Variants in FAT4 observed in about 807,000 individuals in gnomAD.
FAT4 encodes the protein protocadherin Fat 4.
Under a neutral mutation model 303.9 loss-of-function variants are expected in FAT4, and 84 were observed. The ratio of observed to expected loss-of-function variants is 0.28; its 90% CI spans 0.23 to 0.33. The LOEUF is 0.33. Ranked by LOEUF, FAT4 falls within the 10% of genes least tolerant of loss-of-function variation. The pLI, the probability that FAT4 is intolerant of heterozygous loss-of-function variation, is 1.00. For missense variants in FAT4, 6,005 were observed against 6,146.8 expected (o/e 0.98, Z 0.77); for synonymous variants, 2,307 against 2,298.8 (o/e 1.00, Z -0.10).
chr4:125,409,325 C>T (rs1359136026), intron 5 of FAT4, among the ~76,000 whole-genome samples: 1 of 151,400 alleles, frequency 6.6e-6, no homozygotes, highest in East Asian at 1.9e-4. Flanking sequence ...GATGCAATCT[C>T]AGCTCACTGC....
chr4:125,406,982 A>G lies in FAT4; in HGVS notation c.5410A>G (p.Arg1804Gly), dbSNP rs1207176259. Residue 1804 changes from arginine (R) to glycine (G), a missense_variant, in exon 4 of 18, where the codon AGG (arginine) becomes GGG (glycine). Arg to Gly is a moderately radical substitution (Grantham distance 125, BLOSUM62 -2). Coordinates refer to ENST00000394329, the MANE Select transcript of FAT4 (RefSeq NM_001291303.3). ...GDLIATRRLD[R>G]ERRSKYSLLV... ...TCTGATAGCAACCAGGCGGTTGGAC[A>G]GGGAACGCCGCTCCAAATATTCACT... The G allele has an allele frequency of 1.2e-6, 2 of 1,613,760 alleles. No homozygotes were observed. The highest frequency in any genetic ancestry group is 1.3e-5 in the African/African-American group (1 of 74,892).
chr4:125,396,446 T>C (rs2126010836), intron 2 of FAT4, among the ~76,000 whole-genome samples: 1 of 152,248 alleles, frequency 6.6e-6, no homozygotes, highest in African/African-American at 2.4e-5. Context: ...TGTGACTCTG[T>C]TTCCTGATGT....
At chr4:125,485,744 A>T (rs1164192105) in intron 16 of FAT4, among the ~76,000 whole-genome samples, 1 of 152,168 alleles carries the variant, frequency 6.6e-6, no homozygotes, top group Non-Finnish European at 1.5e-5. Flanking sequence ...TTTATTATCA[A>T]ATTGCATGTG....
In FAT4 at chr4:125,451,773, C is replaced by T. The variant is rs1726085213; in HGVS notation, c.10763C>T (p.Thr3588Ile). The T allele has an allele frequency of 6.2e-7, 1 of 1,614,002 alleles. No homozygotes were observed. Among genetic ancestry groups the T allele is most frequent in the African/African-American group, 1.3e-5 (1 of 74,902 alleles). ...QIADFYLSVV[T>I]KDSGVPQMSS... is the part of the protein sequence containing the mutation. Reference sequence around the variant, plus strand: ...GCAGACTTCTATCTGTCTGTGGTTACCAAGGATTCTGGTGTTCCTCAAATG... The same window carrying T: ...GCAGACTTCTATCTGTCTGTGGTTATCAAGGATTCTGGTGTTCCTCAAATG... Residue 3588 changes from threonine (T) to isoleucine (I), a missense_variant, in exon 10 of 18, where the codon ACC becomes ATC. Transcript: ENST00000394329.
intron 8 of FAT4, among the ~76,000 whole-genome samples, chr4:125,441,010 G>A (rs1725644134): frequency 1.3e-5 from 2 of 151,922 alleles, no homozygotes; most frequent in East Asian, 3.9e-4. Context: ...TCCTAGTTCA[G>A]TTCATAATTA....
intron 2 of FAT4, among the ~76,000 whole-genome samples, chr4:125,343,154 A>G (rs911680999): frequency 1.3e-5 from 2 of 151,956 alleles, no homozygotes; most frequent in East Asian, 1.9e-4. Context: ...TAAGGCCTCA[A>G]TTTTTTTCCC....
In FAT4 at chr4:125,408,561, G is replaced by C; in HGVS notation, c.5687G>C (p.Gly1896Ala). The C allele has an allele frequency of 6.2e-7, 1 of 1,612,260 alleles. No individual in the cohort carries two copies. The highest frequency in any genetic ancestry group is 1.1e-5 in the South Asian group (1 of 91,030). The change falls in exon 5 of 18, where the codon GGG becomes GCG. Residue 1896 changes from glycine to alanine, a missense_variant. Gly to Ala is a moderately conservative substitution (Grantham distance 60). Coordinates refer to ENST00000394329, the MANE Select transcript of FAT4 (RefSeq NM_001291303.3). ...DGIFFLNPIT[G>A]VFNLTRLLDY... ...ATCTTTTTCCTGAATCCTATTACTG[G>C]GGTCTTTAATTTGACTCGATTATTA...
At chr4:125,394,537 A>T (rs1390129634) in intron 2 of FAT4, among the ~76,000 whole-genome samples, 3 of 152,154 alleles carry the variant, frequency 2.0e-5, no homozygotes, top group Admixed American at 6.6e-5. Flanking sequence ...ACTAATAACA[A>T]CTGTCTTCAT....
chr4:125,477,348 A>G lies in FAT4; in HGVS notation c.12479+14A>G. On this transcript the variant is annotated intron_variant, in intron 14 of 17. Coordinates refer to ENST00000394329, the MANE Select transcript of FAT4 (RefSeq NM_001291303.3). ...CATCCTAGATCAGTATGGCGATTTT[A>G]TTTCTTACTGTTTTAAAGAAAAAAA... 2.6e-6 allele frequency: 4 copies of G among 1,534,246 alleles called. No homozygotes were observed. In the East Asian group the frequency reaches 7.2e-5, roughly 28 times the overall value.
At chr4:125,395,806 G>A (rs536224840) in intron 2 of FAT4, among the ~76,000 whole-genome samples, 13 of 152,124 alleles carry the variant, frequency 8.5e-5, no homozygotes, top group South Asian at 4.1e-4. Context: ...AAAAGGTGTC[G>A]TTTTGAACTC....
Position 125,491,618 on chromosome 4 carries a change from C to G in FAT4, c.14802C>G (p.Asn4934Lys), listed in dbSNP as rs753842030. 1 of 1,614,172 alleles carries G rather than the reference C, an allele frequency of 6.2e-7. No homozygotes were observed. Among genetic ancestry groups the G allele is most frequent in the African/African-American group, 1.3e-5 (1 of 75,062 alleles). The part of the protein sequence containing the change: ...GQQAGTFNWD[N>K]LLNWGPGFGH... ...AAGCAGGGACTTTCAACTGGGACAA[C>G]CTTTTGAACTGGGGCCCTGGCTTTG... is the stretch of plus-strand genomic sequence containing the variant. The change falls in exon 18 of 18, where the codon AAC (asparagine) becomes AAG (lysine). Residue 4934 changes from asparagine (N) to lysine (K), a missense_variant. Physicochemically the swap from Asn to Lys is moderately conservative, Grantham distance 94. Transcript: ENST00000394329.
Position 125,398,770 on chromosome 4 carries a change from C to T in FAT4, c.5176-14C>T. ...GTGGGAGTCATTCACACATTGTTTC[C>T]TTTTTCTTTGTAGGTAGAAATAACA... is the stretch of plus-strand genomic sequence containing the variant. On this transcript the variant is annotated splice_polypyrimidine_tract_variant and intron_variant, in intron 2 of 17. Transcript: ENST00000394329. 6.2e-7 allele frequency: 1 copy of T among 1,611,906 alleles called. No individual in the cohort carries two copies. The highest frequency in any genetic ancestry group is 8.5e-7 in the Non-Finnish European group (1 of 1,178,570).
chr4:125,411,347 A>C (rs916931286), intron 5 of FAT4, among the ~76,000 whole-genome samples: 9 of 152,008 alleles, frequency 5.9e-5, no homozygotes, highest in African/African-American at 2.2e-4. Flanking sequence ...GAAATATCGG[A>C]GCATCACGGA....
intron 2 of FAT4, among the ~76,000 whole-genome samples, chr4:125,370,105 T>C (rs976947122): frequency 6.6e-6 from 1 of 152,048 alleles, no homozygotes; most frequent in African/African-American, 2.4e-5. Flanking sequence ...TATAGGGTGA[T>C]AGAATTCATA....
chr4:125,357,517 T>A (rs1187439216), intron 2 of FAT4, among the ~76,000 whole-genome samples: 1 of 152,158 alleles, frequency 6.6e-6, no homozygotes, highest in Non-Finnish European at 1.5e-5. Context: ...ATATGGTCAT[T>A]AGCATTAAGT....
chr4:125,367,966 G>A (rs1732948692), intron 2 of FAT4, among the ~76,000 whole-genome samples: 1 of 152,116 alleles, frequency 6.6e-6, no homozygotes, highest in African/African-American at 2.4e-5. Context: ...CTACCTGATG[G>A]TGTGGAACTC....
chr4:125,339,875 A>C (rs1268490816), intron 2 of FAT4, among the ~76,000 whole-genome samples: 1 of 152,164 alleles, frequency 6.6e-6, no homozygotes, highest in African/African-American at 2.4e-5. Flanking sequence ...AATTTAAAAA[A>C]ATAATATTTT....
chr4:125,394,573 G>A (rs961046145), intron 2 of FAT4, among the ~76,000 whole-genome samples: 1 of 152,114 alleles, frequency 6.6e-6, no homozygotes, highest in African/African-American at 2.4e-5. Context: ...AAATTGTATA[G>A]AAATAAAAGG....
intron 4 of FAT4, 53 bp from the exon 5 acceptor site, chr4:125,408,391 A>G (rs1358784604): frequency 1.7e-6 from 2 of 1,190,972 alleles, no homozygotes; most frequent in African/African-American, 1.5e-5. Context: ...ATGTTCTCTT[A>G]GTAATACTTC....
Sources: gnomAD v4.1 joint callset for allele counts (sites outside exome capture counted in the v4.1 genomes callset) on GRCh38, gnomAD v4.1.1 for gene constraint, MANE v1.5 for transcripts, NCBI Gene and HGNC (gene_info 2026-07-23, HGNC 2026-07-21) for gene names.